The following CNTNAP2 variants were observed in gnomAD, a reference collection of about 807,000 sequenced individuals.
CNTNAP2 encodes contactin associated protein 2.
Under a neutral mutation model 155.2 loss-of-function variants are expected in CNTNAP2, and 98 were observed. The observed-to-expected ratio is 0.63, with a 90% CI of 0.54 to 0.75. The LOEUF (loss-of-function observed/expected upper bound fraction) is 0.75. Ranked by LOEUF, CNTNAP2 falls within the 30% of genes least tolerant of loss-of-function variation. CNTNAP2 has a pLI of 0.00. For missense variants in CNTNAP2, 1,727 were observed against 1,688.1 expected (o/e 1.02, Z -0.40); for synonymous variants, 651 against 631.2 (o/e 1.03, Z -0.47).
At chr7:147,032,388 A>G (rs1023080378) in intron 3 of CNTNAP2, among the ~76,000 whole-genome samples, 7 of 152,210 alleles carry the variant, frequency 4.6e-5, no homozygotes, top group African/African-American at 1.4e-4. Context: ...AATATGATAC[A>G]TGACCAATGG....
At chr7:146,679,185 A>G (rs555383729) in intron 1 of CNTNAP2, among the ~76,000 whole-genome samples, 12 of 151,960 alleles carry the variant, frequency 7.9e-5, no homozygotes, top group African/African-American at 2.7e-4. Context: ...GATAGGCCCT[A>G]GTGTGTATTG....
intron 21 of CNTNAP2, among the ~76,000 whole-genome samples, chr7:148,296,274 G>A (rs1005810928): frequency 2.6e-5 from 4 of 151,994 alleles, no homozygotes; most frequent in Non-Finnish European, 4.4e-5. Context: ...GGCTAGGCAT[G>A]GTAGCTCACA....
At chr7:148,357,763 ACTAAATTCT>A in intron 21 of CNTNAP2, among the ~76,000 whole-genome samples, 1 of 152,242 alleles carries the variant, frequency 6.6e-6, no homozygotes, top group Non-Finnish European at 1.5e-5. Context: ...TCTGATTCCA[ACTAAATTCT>A]TGTATGCACA....
At chr7:147,555,346 C>A (rs1799932350) in intron 11 of CNTNAP2, among the ~76,000 whole-genome samples, 1 of 152,082 alleles carries the variant, frequency 6.6e-6, no homozygotes, top group Non-Finnish European at 1.5e-5. Context: ...GCTTCTTTAT[C>A]CATTCAAGGG....
chr7:146,847,745 T>A (rs1794786556), intron 3 of CNTNAP2, among the ~76,000 whole-genome samples: 1 of 152,198 alleles, frequency 6.6e-6, no homozygotes, highest in Admixed American at 6.5e-5. Context: ...TTTGGAAGTA[T>A]AATTGAGAAT....
At position 147,329,406 on chromosome 7, in the gene CNTNAP2, T is replaced by A. The variant is rs148412854; in HGVS notation, c.1498+29116T>A. ...CTTGTAATTTATATATACATTCTTA[T>A]AATTTATAAGAATGATAAAAGATCC... On this transcript the variant is annotated intron_variant, in intron 9 of 23. Coordinates refer to ENST00000361727, the MANE Select transcript of CNTNAP2 (RefSeq NM_014141.6). 3.1e-3 allele frequency among the ~76,000 whole-genome samples: 467 copies of A among 152,196 alleles called. 5 individuals carry two copies. The highest frequency in any genetic ancestry group is 0.01 in the African/African-American group (435 of 41,550).
intron 15 of CNTNAP2, among the ~76,000 whole-genome samples, chr7:148,054,107 G>A (rs1376906800): frequency 1.3e-5 from 2 of 151,854 alleles, no homozygotes; most frequent in African/African-American, 2.4e-5. Flanking sequence ...AGAGTAGCTG[G>A]GACTACAGGT....
chr7:147,285,413 T>C (rs907278644), intron 8 of CNTNAP2, among the ~76,000 whole-genome samples: 2 of 151,962 alleles, frequency 1.3e-5, no homozygotes, highest in Non-Finnish European at 2.9e-5. Context: ...TTTGAAATAT[T>C]TCAAAGAATA....
At chr7:146,134,504 T>A (rs1373261507) in intron 1 of CNTNAP2, among the ~76,000 whole-genome samples, 3 of 151,854 alleles carry the variant, frequency 2.0e-5, no homozygotes, top group African/African-American at 7.2e-5. Context: ...TCAAAGGGAA[T>A]GCTTCCAGTT....
chr7:147,078,943 G>T (rs1363512883), intron 4 of CNTNAP2, among the ~76,000 whole-genome samples: 1 of 151,812 alleles, frequency 6.6e-6, no homozygotes, highest in Non-Finnish European at 1.5e-5. Context: ...TAGAGACAGG[G>T]TTTCACCATG....
chr7:146,640,416 C>G (rs1363262491), intron 1 of CNTNAP2, among the ~76,000 whole-genome samples: 1 of 152,154 alleles, frequency 6.6e-6, no homozygotes, highest in East Asian at 1.9e-4. Context: ...CTGAAGATCT[C>G]CTTAGGGCTA....
At chr7:146,736,705 C>A (rs959022071) in intron 1 of CNTNAP2, among the ~76,000 whole-genome samples, 5 of 152,070 alleles carry the variant, frequency 3.3e-5, no homozygotes, top group Non-Finnish European at 7.3e-5. Flanking sequence ...TGCGGGTCTA[C>A]GGATGATGCA....
At chr7:146,976,172 C>G (rs967322611) in intron 3 of CNTNAP2, among the ~76,000 whole-genome samples, 1 of 152,164 alleles carries the variant, frequency 6.6e-6, no homozygotes, top group Non-Finnish European at 1.5e-5. Context: ...GAGGTAAAAA[C>G]ACAAACTGTT....
chr7:146,185,767 T>C (rs1461240390), intron 1 of CNTNAP2, among the ~76,000 whole-genome samples: 1 of 151,154 alleles, frequency 6.6e-6, no homozygotes, highest in Non-Finnish European at 1.5e-5. Context: ...TATTCTTTTT[T>C]TTTTTTTTTT....
chr7:147,552,921 A>G (rs1165434982), intron 11 of CNTNAP2, among the ~76,000 whole-genome samples: 1 of 152,208 alleles, frequency 6.6e-6, no homozygotes, highest in African/African-American at 2.4e-5. Context: ...GGCCAGCAGA[A>G]GAAAAATGAC....
intron 1 of CNTNAP2, among the ~76,000 whole-genome samples, chr7:146,127,053 CCT>C (rs1797647939): frequency 6.6e-6 from 1 of 152,148 alleles, no homozygotes; most frequent in African/African-American, 2.4e-5. Flanking sequence ...CTAGTTCTTC[CCT>C]GTCTCTTAAA....
chr7:148,300,304 C>T (rs1027430987), intron 21 of CNTNAP2, among the ~76,000 whole-genome samples: 2 of 152,116 alleles, frequency 1.3e-5, no homozygotes, highest in African/African-American at 4.8e-5. Flanking sequence ...ATTTCCTCCT[C>T]TCTGGAATAT....
intron 8 of CNTNAP2, among the ~76,000 whole-genome samples, chr7:147,138,572 C>T (rs1801534914): frequency 6.6e-6 from 1 of 151,756 alleles, no homozygotes; most frequent in South Asian, 2.1e-4. Flanking sequence ...GGAAATCTAC[C>T]TTTAATTATA....
chr7:148,212,302 G>A (rs1292011538), intron 18 of CNTNAP2, among the ~76,000 whole-genome samples: 1 of 152,146 alleles, frequency 6.6e-6, no homozygotes, highest in East Asian at 1.9e-4. Flanking sequence ...AACCTGTGAT[G>A]AGGACCAAGA....
Sources: gnomAD v4.1 joint callset for allele counts (sites outside exome capture counted in the v4.1 genomes callset) on GRCh38, gnomAD v4.1.1 for gene constraint, MANE v1.5 for transcripts, NCBI Gene and HGNC (gene_info 2026-07-23, HGNC 2026-07-21) for gene names.